Variants in TNRC6B observed in about 807,000 individuals in gnomAD.
TNRC6B encodes trinucleotide repeat containing adaptor 6B.
Under a neutral mutation model 203.6 loss-of-function variants are expected in TNRC6B, and 52 were observed. The ratio of observed to expected loss-of-function variants is 0.26; its 90% CI spans 0.20 to 0.32. The LOEUF (loss-of-function observed/expected upper bound fraction) is 0.32, where lower values mean the gene tolerates loss of function less well. Ranked by LOEUF, TNRC6B falls within the 10% of genes least tolerant of loss-of-function variation. The pLI is 1.00. For synonymous variants in TNRC6B, 838 were observed against 845.7 expected, an observed-to-expected ratio of 0.99 and a Z score of 0.16; for missense variants, 1,923 against 2,286.2, an observed-to-expected ratio of 0.84 and a Z score of 3.24.
At chr22:40,247,175 T>C (rs756403331) in intron 2 of TNRC6B, among the ~76,000 whole-genome samples, 3 of 152,174 alleles carry the variant, frequency 2.0e-5, no homozygotes, top group Non-Finnish European at 2.9e-5. Context: ...GGTACCTTTT[T>C]TGGAGGTAAG....
intron 1 of TNRC6B, among the ~76,000 whole-genome samples, chr22:40,235,058 T>C (rs2069929212): frequency 6.6e-6 from 1 of 152,226 alleles, no homozygotes; most frequent in Non-Finnish European, 1.5e-5. Flanking sequence ...TAATTTTTCT[T>C]ACCCCAAATT....
Position 40,320,601 on chromosome 22 carries a change from G to A in TNRC6B, c.4975-489G>A, listed in dbSNP as rs1378908080. ...TCGCTGAAGATCTTAAGTGGTGAAAGTCTAACTGGGGTGAGGGGTACAGCC... is the reference window on the plus strand; with the variant it reads ...TCGCTGAAGATCTTAAGTGGTGAAAATCTAACTGGGGTGAGGGGTACAGCC... On this transcript the variant is annotated intron_variant, in intron 21 of 22. Coordinates refer to ENST00000454349, the MANE Select transcript of TNRC6B (RefSeq NM_001162501.2). 2.6e-5 allele frequency among the ~76,000 whole-genome samples: 4 copies of A among 152,352 alleles called. 1 individual carries two copies. Among genetic ancestry groups the A allele is most frequent in the Middle Eastern group, 3.4e-3 (1 of 294 alleles).
chr22:40,163,389 C>A (rs1457657859), intron 4 of TNRC6B, among the ~76,000 whole-genome samples: 6 of 134,974 alleles, frequency 4.4e-5, no homozygotes, highest in African/African-American at 2.8e-5. Context: ...CAGAACAAGA[C>A]CCTGTCTCAA....
At chr22:40,232,500 C>T (rs1295454511) in intron 1 of TNRC6B, among the ~76,000 whole-genome samples, 1 of 152,142 alleles carries the variant, frequency 6.6e-6, no homozygotes, top group Non-Finnish European at 1.5e-5. Flanking sequence ...TCTCAAGGCA[C>T]TATGAAGAAC....
intron 1 of TNRC6B, among the ~76,000 whole-genome samples, chr22:40,059,129 C>T (rs1471727792): frequency 6.6e-6 from 1 of 152,188 alleles, no homozygotes. Flanking sequence ...TATTTTCTCT[C>T]TTTTTGTCCC....
At chr22:40,089,532 G>C (rs761102767) in intron 1 of TNRC6B, among the ~76,000 whole-genome samples, 1 of 151,920 alleles carries the variant, frequency 6.6e-6, no homozygotes, top group African/African-American at 2.4e-5. Context: ...TGCGCCCAGC[G>C]TTAAGACTTT....
intron 15 of TNRC6B, among the ~76,000 whole-genome samples, chr22:40,302,506 G>T (rs1014690827): frequency 6.6e-6 from 1 of 151,964 alleles, no homozygotes; most frequent in Non-Finnish European, 1.5e-5. Context: ...TGTGGCATGC[G>T]CCTCTAATCC....
chr22:40,130,504 G>A (rs1309324184), intron 3 of TNRC6B, among the ~76,000 whole-genome samples: 1 of 152,064 alleles, frequency 6.6e-6, no homozygotes, highest in Non-Finnish European at 1.5e-5. Flanking sequence ...TGAATTGGCC[G>A]GGCGCGGTGG....
Position 40,312,647 on chromosome 22 carries a change from C to T in TNRC6B, c.4578C>T (p.Thr1526=), listed in dbSNP as rs2071200494. The change falls in exon 18 of 23, where the codon ACC becomes ACT. Residue 1526 remains threonine, a synonymous_variant. Transcript: ENST00000454349. ...ACCACCAACTGCTGCGGGATAACAC[C>T]ACAGGTACTTGAGCAAAGCATCTCT... is the stretch of plus-strand genomic sequence containing the variant. The part of the protein sequence containing the change: ...DTDHQLLRDN[T]TGSNSSLNTS... 1.2e-6 allele frequency: 2 copies of T among 1,609,444 alleles called. No individual in the cohort carries two copies. The highest frequency in any genetic ancestry group is 1.3e-5 in the African/African-American group (1 of 74,806).
chr22:40,277,189 A>T, intron 8 of TNRC6B, 38 bp downstream of exon 8: 1 of 1,502,584 alleles, frequency 6.7e-7, no homozygotes, highest in South Asian at 1.2e-5. Context: ...ACGTATCCCA[A>T]CTTTTAGGTT....
In TNRC6B at chr22:40,247,586, T is replaced by C. The variant is rs1028924162; in HGVS notation, c.93+1484T>C. Among the ~76,000 whole-genome samples the C allele has an allele frequency of 2.0e-5, 3 of 152,264 alleles. 1 individual carries two copies. The South Asian group carries it at 6.2e-4, about 31-fold the overall frequency. On this transcript the variant is annotated intron_variant, in intron 2 of 22. Transcript: ENST00000454349. ...TGACTTAATTAAAAGGAACATTCAT[T>C]ATTATTTGGTGCTATAATAGACCGC...
chr22:40,171,129 A>G (rs1032573438), intron 4 of TNRC6B, among the ~76,000 whole-genome samples: 2 of 149,806 alleles, frequency 1.3e-5, no homozygotes, highest in African/African-American at 4.9e-5. Context: ...ATTGTTTTCA[A>G]ATGTGATGAA....
rs955959587 is a variant in TNRC6B, at chr22:40,228,152, G to T, written c.6-17863G>T. Among the ~76,000 whole-genome samples the T allele has an allele frequency of 8.5e-5, 13 of 152,300 alleles. No homozygotes were observed. In the East Asian group the frequency reaches 1.4e-3, roughly 16 times the overall value. ...ATAAATATTAGAGTATGTGAGCCAG[G>T]AGTGGTGGCTCATGCCTGTAATCCT... On this transcript the variant is annotated intron_variant, in intron 1 of 22. Coordinates refer to ENST00000454349, the MANE Select transcript of TNRC6B (RefSeq NM_001162501.2).
intron 22 of TNRC6B, among the ~76,000 whole-genome samples, chr22:40,322,055 C>G (rs1269733735): frequency 6.6e-6 from 1 of 152,138 alleles, no homozygotes; most frequent in African/African-American, 2.4e-5. Flanking sequence ...TGAGGGGGCT[C>G]AGGCAGCGAG....
At chr22:40,056,753 G>T (rs1429068193) in intron 1 of TNRC6B, among the ~76,000 whole-genome samples, 3 of 146,168 alleles carry the variant, frequency 2.1e-5, no homozygotes, top group Admixed American at 6.9e-5. Flanking sequence ...AGCTAGGATT[G>T]CATCACTACA....
At chr22:40,187,703 T>C (rs2069221848) in intron 1 of TNRC6B, among the ~76,000 whole-genome samples, 1 of 152,160 alleles carries the variant, frequency 6.6e-6, no homozygotes, top group African/African-American at 2.4e-5. Context: ...GTTGTGCTTG[T>C]CTCTCACTTT....
intron 1 of TNRC6B, among the ~76,000 whole-genome samples, chr22:40,209,558 G>T (rs918131995): frequency 3.9e-5 from 6 of 152,144 alleles, no homozygotes; most frequent in African/African-American, 1.4e-4. Context: ...CCAGAATGGT[G>T]GCATTCTTAC....
chr22:40,118,089 A>G (rs2068407543), intron 2 of TNRC6B, among the ~76,000 whole-genome samples: 1 of 152,140 alleles, frequency 6.6e-6, no homozygotes, highest in African/African-American at 2.4e-5. Context: ...AATATGAGCT[A>G]ATATGAGGGG....
chr22:40,297,889 G>A (rs934314835), intron 12 of TNRC6B, among the ~76,000 whole-genome samples: 4 of 151,486 alleles, frequency 2.6e-5, no homozygotes, highest in African/African-American at 7.3e-5. Flanking sequence ...TTGGGAGACC[G>A]AGGCAGGTGG....
Sources: gnomAD v4.1 joint callset for allele counts (sites outside exome capture counted in the v4.1 genomes callset) on GRCh38, gnomAD v4.1.1 for gene constraint, MANE v1.5 for transcripts, NCBI Gene and HGNC (gene_info 2026-07-23, HGNC 2026-07-21) for gene names.